TMPRSS11F: variants seen among roughly 807,000 people sequenced by gnomAD.
TMPRSS11F encodes transmembrane protease serine 11F.
TMPRSS11F carries 47 observed loss-of-function variants against 60.2 expected under a neutral mutation model. That is an observed-to-expected ratio of 0.78 (90% CI 0.62 to 1.00). TMPRSS11F has a LOEUF of 1.00. Among genes scored for constraint, TMPRSS11F ranks in the 50% least tolerant of loss-of-function variants. The pLI, the probability that TMPRSS11F is intolerant of heterozygous loss-of-function variation, is 0.00. For missense variants in TMPRSS11F, 519 were observed against 522.9 expected (o/e 0.99, Z 0.07); for synonymous variants, 166 against 167.3 (o/e 0.99, Z 0.06).
intron 1 of TMPRSS11F, among the ~76,000 whole-genome samples, chr4:68,118,210 T>C (rs1444270337): frequency 6.6e-6 from 1 of 152,210 alleles, no homozygotes; most frequent in Non-Finnish European, 1.5e-5. Context: ...TAATTTTTCA[T>C]ATTGTTAACA....
At position 68,096,096 on chromosome 4, in the gene TMPRSS11F, G is replaced by A. The variant is rs1273015974; in HGVS notation, c.163+2791C>T. Among the ~76,000 whole-genome samples, 3 of 150,578 alleles carry A rather than the reference G, an allele frequency of 2.0e-5. No individual in the cohort carries two copies. The South Asian group carries it at 6.3e-4, about 32-fold the overall frequency. On this transcript the variant is annotated intron_variant, in intron 2 of 9. Transcript: ENST00000356291. Reference sequence around the variant, plus strand: ...GATAAGTAAATTATGGAATATTTAAGATAATGAATATCAGTCAATAATTTA... The same window carrying A: ...GATAAGTAAATTATGGAATATTTAAAATAATGAATATCAGTCAATAATTTA...
intron 1 of TMPRSS11F, among the ~76,000 whole-genome samples, chr4:68,114,058 T>G (rs1222282054): frequency 1.3e-5 from 2 of 151,910 alleles, no homozygotes; most frequent in East Asian, 3.9e-4. Flanking sequence ...ACAAAAAAAC[T>G]TAAAAAATAT....
At chr4:68,087,149 C>T (rs763564133) in intron 3 of TMPRSS11F, among the ~76,000 whole-genome samples, 4 of 152,140 alleles carry the variant, frequency 2.6e-5, no homozygotes, top group Non-Finnish European at 5.9e-5. Flanking sequence ...CCAAATCTAG[C>T]TGCACGAAAA....
intron 2 of TMPRSS11F, among the ~76,000 whole-genome samples, chr4:68,091,053 A>G (rs1370684023): frequency 2.6e-5 from 4 of 152,158 alleles, no homozygotes; most frequent in African/African-American, 7.2e-5. Flanking sequence ...TTTTTATGCT[A>G]CTGCTAAGCT....
Position 68,059,330 on chromosome 4 carries a change from C to T in TMPRSS11F, c.1154G>A (p.Cys385Tyr), listed in dbSNP as rs764667668. 1.1e-5 allele frequency: 17 copies of T among 1,613,378 alleles called. No individual in the cohort carries two copies. In the Admixed American group the frequency reaches 1.2e-4, roughly 11 times the overall value. Residue 385 changes from cysteine to tyrosine, a missense_variant, in exon 9 of 10, where the codon TGT becomes TAT. Physicochemically the swap from Cys to Tyr is radical, Grantham distance 194 (BLOSUM62 -2). Coordinates refer to ENST00000356291, the MANE Select transcript of TMPRSS11F (RefSeq NM_207407.2). ...AGFMEGKIDA[C>Y]KGDSGGPLVY... The stretch of plus-strand genomic sequence containing the variant: ...TGGCCTTGACTTTAAACTTACCTTA[C>T]ATGCATCTATTTTTCCTTCCATGAA...
intron 7 of TMPRSS11F, 64 bp from the exon 8 acceptor site, chr4:68,065,008 T>C: frequency 6.8e-7 from 1 of 1,479,094 alleles, no homozygotes; most frequent in Non-Finnish European, 9.1e-7. Context: ...AGACTGAGAC[T>C]GTATTTCTTC....
chr4:68,096,445 T>C lies in TMPRSS11F; in HGVS notation c.163+2442A>G, dbSNP rs147354988. ...TTTTTAAAATGATACCCAAGTAGCA[T>C]TGAAAAATTTTATGGAGTTGTAAAA... On this transcript the variant is annotated intron_variant, in intron 2 of 9. Coordinates refer to ENST00000356291, the MANE Select transcript of TMPRSS11F (RefSeq NM_207407.2). Among the ~76,000 whole-genome samples, 196 of 152,294 alleles carry C rather than the reference T, an allele frequency of 1.3e-3. 9 individuals are homozygous for C. The East Asian group carries it at 0.035, about 27-fold the overall frequency.
chr4:68,103,822 A>C (rs1724243090), intron 1 of TMPRSS11F, among the ~76,000 whole-genome samples: 1 of 151,926 alleles, frequency 6.6e-6, no homozygotes, highest in Admixed American at 6.6e-5. Context: ...TATTGTCTTT[A>C]TTTCTTTCGT....
At chr4:68,115,697 A>C (rs1724504652) in intron 1 of TMPRSS11F, among the ~76,000 whole-genome samples, 1 of 152,208 alleles carries the variant, frequency 6.6e-6, no homozygotes, top group African/African-American at 2.4e-5. Context: ...ATACATAAAA[A>C]TCAAACTATT....
At chr4:68,093,373 C>T (rs1327703271) in intron 2 of TMPRSS11F, among the ~76,000 whole-genome samples, 1 of 152,130 alleles carries the variant, frequency 6.6e-6, no homozygotes, top group Non-Finnish European at 1.5e-5. Context: ...GGATCCCTTC[C>T]TTACACCTTA....
At position 68,090,102 on chromosome 4, in the gene TMPRSS11F, T is replaced by C. The variant is rs190117566; in HGVS notation, c.282+421A>G. ...TGTAAGTCATAACTAGATCTAAGAT[T>C]AATATCAAGAATTATAGCTATACCA... On this transcript the variant is annotated intron_variant, in intron 3 of 9. Coordinates refer to ENST00000356291, the MANE Select transcript of TMPRSS11F (RefSeq NM_207407.2). Among the ~76,000 whole-genome samples, 1,065 of 152,224 alleles carry C rather than the reference T, an allele frequency of 7.0e-3. 9 individuals are homozygous for C. Among genetic ancestry groups the C allele is most frequent in the South Asian group, 0.024 (117 of 4,826 alleles).
At chr4:68,081,235 G>T (rs1009618332) in intron 3 of TMPRSS11F, among the ~76,000 whole-genome samples, 1 of 152,138 alleles carries the variant, frequency 6.6e-6, no homozygotes, top group African/African-American at 2.4e-5. Flanking sequence ...CTGCATAGTG[G>T]ATGGGAGTCA....
At chr4:68,080,315 T>G (rs1314141589) in intron 3 of TMPRSS11F, 2 of 152,242 alleles carry the variant, frequency 1.3e-5, no homozygotes, top group Non-Finnish European at 2.9e-5. Flanking sequence ...TCCTTCTTTC[T>G]TATGAAATTT....
At chr4:68,094,954 A>G (rs1724040670) in intron 2 of TMPRSS11F, among the ~76,000 whole-genome samples, 2 of 152,096 alleles carry the variant, frequency 1.3e-5, no homozygotes, top group Admixed American at 6.5e-5. Context: ...AATATAATTT[A>G]CTATATAATT....
chr4:68,072,581 A>G (rs2109846315), intron 4 of TMPRSS11F, 95 bp from the exon 5 acceptor site: 6 of 911,498 alleles, frequency 6.6e-6, no homozygotes, highest in Non-Finnish European at 9.1e-6. Flanking sequence ...AACATAATGC[A>G]TGATACATGT....
intron 1 of TMPRSS11F, among the ~76,000 whole-genome samples, chr4:68,120,018 G>A (rs1462825251): frequency 1.3e-5 from 2 of 152,106 alleles, no homozygotes; most frequent in South Asian, 2.1e-4. Flanking sequence ...ATAATTTTGA[G>A]GGGTTCAAAA....
chr4:68,059,184 T>C (rs539391185), intron 9 of TMPRSS11F, 142 bp downstream of exon 9: 1 of 847,494 alleles, frequency 1.2e-6, no homozygotes, highest in African/African-American at 1.7e-5. Context: ...ACAATTATTG[T>C]TATTGTTATG....
chr4:68,101,118 A>G (rs1175291129), intron 1 of TMPRSS11F, among the ~76,000 whole-genome samples: 1 of 152,208 alleles, frequency 6.6e-6, no homozygotes, highest in Non-Finnish European at 1.5e-5. Context: ...GTAGCACTGC[A>G]TTGTTGTAAA....
At position 68,057,868 on chromosome 4, in the gene TMPRSS11F, A is replaced by ATGGT. The variant is rs386675552; in HGVS notation, c.1158+1457_1158+1458insACCA. 1.2e-3 allele frequency among the ~76,000 whole-genome samples: 76 copies of ATGGT among 64,136 alleles called. No individual in the cohort carries two copies. The South Asian group carries it at 0.038, about 32-fold the overall frequency. The allele number at this position is 64,136 out of a possible 152,430, so 42.1% of individuals were successfully genotyped here. ...TAAAGATAATATGGTATATCTACAAAATAAATATTATGCAGCCATAAAAAG... is the reference window on the plus strand; with the variant it reads ...TAAAGATAATATGGTATATCTACAAATGGTATAAATATTATGCAGCCATAAAAAG... On this transcript the variant is annotated intron_variant, in intron 9 of 9. Coordinates refer to ENST00000356291, the MANE Select transcript of TMPRSS11F (RefSeq NM_207407.2).
Sources: allele counts gnomAD v4.1 joint callset (sites outside exome capture counted in the v4.1 genomes callset), GRCh38; gene constraint gnomAD v4.1.1; transcripts MANE v1.5; gene names NCBI Gene and HGNC (gene_info 2026-07-23, HGNC 2026-07-21).